ATF2: variants seen among roughly 807,000 people sequenced by gnomAD.
ATF2 encodes the protein cyclic AMP-dependent transcription factor ATF-2.
In ATF2, 24 loss-of-function variants were observed where a neutral mutation model predicts 60.6. The observed-to-expected ratio is 0.40, with a 90% CI of 0.29 to 0.56. The LOEUF (loss-of-function observed/expected upper bound fraction) is 0.56, where lower values mean the gene tolerates loss of function less well. Ranked by LOEUF, ATF2 falls within the 20% of genes least tolerant of loss-of-function variation. ATF2 has a pLI of 0.54. For missense variants in ATF2, 433 were observed against 607.7 expected, an observed-to-expected ratio of 0.71 and a Z score of 3.02; for synonymous variants, 206 against 215.4, an observed-to-expected ratio of 0.96 and a Z score of 0.38.
intron 5 of ATF2, among the ~76,000 whole-genome samples, chr2:175,121,114 A>T (rs1428881308): frequency 6.6e-6 from 1 of 151,958 alleles, no homozygotes; most frequent in Non-Finnish European, 1.5e-5. Context: ...CAGTTGTACA[A>T]GACAGCTAAA....
intron 3 of ATF2, among the ~76,000 whole-genome samples, chr2:175,135,516 TTC>T (rs1281556201): frequency 6.6e-6 from 1 of 152,180 alleles, no homozygotes; most frequent in Non-Finnish European, 1.5e-5. Context: ...CTGTATTACT[TTC>T]CCACCATCGT....
intron 4 of ATF2, among the ~76,000 whole-genome samples, chr2:175,122,244 A>C (rs1395000535): frequency 6.6e-6 from 1 of 151,990 alleles, no homozygotes; most frequent in African/African-American, 2.4e-5. Flanking sequence ...AACTTGGATA[A>C]GTTTTGCATG....
intron 9 of ATF2, among the ~76,000 whole-genome samples, chr2:175,112,946 T>A (rs889050679): frequency 1.3e-5 from 2 of 152,202 alleles, no homozygotes; most frequent in Non-Finnish European, 2.9e-5. Context: ...GTAACAAGCA[T>A]CTTAGAAGGT....
At chr2:175,138,432 T>TG (rs1352552515) in intron 2 of ATF2, among the ~76,000 whole-genome samples, 1 of 152,194 alleles carries the variant, frequency 6.6e-6, no homozygotes, top group Non-Finnish European at 1.5e-5. Flanking sequence ...AAACTATCAC[T>TG]GAATACCATA....
intron 2 of ATF2, among the ~76,000 whole-genome samples, chr2:175,138,162 A>G (rs1698262743): frequency 1.3e-5 from 2 of 152,184 alleles, no homozygotes; most frequent in South Asian, 2.1e-4. Context: ...AAGCACCAGG[A>G]GAGTTCTAGG....
At chr2:175,147,295 T>C (rs539102818) in intron 2 of ATF2, among the ~76,000 whole-genome samples, 1 of 152,334 alleles carries the variant, frequency 6.6e-6, no homozygotes, top group South Asian at 2.1e-4. Flanking sequence ...TTTATTTTCC[T>C]ACATCCCTAT....
At chr2:175,161,947 G>A (rs1266543511) in intron 1 of ATF2, among the ~76,000 whole-genome samples, 1 of 152,114 alleles carries the variant, frequency 6.6e-6, no homozygotes, top group East Asian at 1.9e-4. Context: ...TTTTAGTAGA[G>A]ATGGTGTTTT....
chr2:175,141,171 A>C (rs917890628), intron 2 of ATF2, among the ~76,000 whole-genome samples: 5 of 150,912 alleles, frequency 3.3e-5, no homozygotes, highest in Admixed American at 2.0e-4. Context: ...GAAGTCAAAG[A>C]CCAGGGCTAA....
In ATF2 at chr2:175,097,414, A is replaced by G. The variant is rs757672996; in HGVS notation, c.978+30T>C. Reference sequence around the variant, plus strand: ...GTACTTTTCTGTTTAAAGATGACAGAGTGCTGAATAATAAAAACAACACAC... The same window carrying G: ...GTACTTTTCTGTTTAAAGATGACAGGGTGCTGAATAATAAAAACAACACAC... On this transcript the variant is annotated intron_variant, in intron 11 of 13. Coordinates refer to ENST00000264110, the MANE Select transcript of ATF2 (RefSeq NM_001880.4). 5 of 1,606,608 alleles carry G rather than the reference A, an allele frequency of 3.1e-6. No homozygotes were observed. The Admixed American group carries it at 6.9e-5, about 22-fold the overall frequency.
intron 13 of ATF2, among the ~76,000 whole-genome samples, chr2:175,077,526 T>G (rs536750896): frequency 9.2e-5 from 14 of 152,322 alleles, no homozygotes; most frequent in Non-Finnish European, 1.8e-4. Flanking sequence ...AACAACAGGC[T>G]GACGTTTCCC....
chr2:175,149,644 T>C (rs1481817465), intron 2 of ATF2, among the ~76,000 whole-genome samples: 1 of 152,112 alleles, frequency 6.6e-6, no homozygotes, highest in Non-Finnish European at 1.5e-5. Context: ...ACTATCAAAA[T>C]GAGAGTCAAG....
intron 2 of ATF2, among the ~76,000 whole-genome samples, chr2:175,139,939 G>A (rs1559105948): frequency 6.6e-6 from 1 of 152,070 alleles, no homozygotes; most frequent in Non-Finnish European, 1.5e-5. Context: ...GTAAAATGAA[G>A]GTTAAAGCAA....
intron 2 of ATF2, among the ~76,000 whole-genome samples, chr2:175,144,053 C>G (rs190767568): frequency 6.6e-6 from 1 of 152,222 alleles, no homozygotes; most frequent in East Asian, 1.9e-4. Flanking sequence ...CTCAGCCTCT[C>G]AAAGTGCTAG....
At chr2:175,114,356 A>G (rs1250954975) in intron 8 of ATF2, 3 of 1,261,014 alleles carry the variant, frequency 2.4e-6, no homozygotes, top group South Asian at 2.5e-5. Context: ...AAAATGAGAA[A>G]AACTGTCATC....
chr2:175,110,740 G>A (rs1231298392), intron 10 of ATF2, among the ~76,000 whole-genome samples: 2 of 152,056 alleles, frequency 1.3e-5, no homozygotes, highest in African/African-American at 2.4e-5. Flanking sequence ...CGAGTAGCTA[G>A]GATTACAGGC....
intron 12 of ATF2, among the ~76,000 whole-genome samples, chr2:175,083,625 A>C (rs532857410): frequency 3.9e-5 from 6 of 152,318 alleles, no homozygotes; most frequent in African/African-American, 1.4e-4. Context: ...AATGGCAACA[A>C]AAGCCAAAAT....
chr2:175,072,659 T>TA lies in ATF2; in HGVS notation c.*1949dup, dbSNP rs910191097. 3 of 152,094 alleles carry TA rather than the reference T, an allele frequency of 2.0e-5. No homozygotes were observed. The highest frequency in any genetic ancestry group is 4.8e-5 in the African/African-American group (2 of 41,440). 9.4% of individuals were successfully genotyped at this position (152,094 alleles called of 1,614,324 possible). The stretch of plus-strand genomic sequence containing the variant: ...TTTTCCTAACCCATTCAAACTACAA[T>TA]AAAAAATAGCCTTCTTGCAGAATTC... On this transcript the variant is annotated 3_prime_UTR_variant, in exon 14 of 14. Transcript: ENST00000264110.
chr2:175,095,580 G>A (rs1694880254), intron 11 of ATF2, among the ~76,000 whole-genome samples: 1 of 152,094 alleles, frequency 6.6e-6, no homozygotes, highest in Admixed American at 6.5e-5. Flanking sequence ...ATCAAGGATT[G>A]GAGGCTTCTT....
chr2:175,161,110 C>G (rs760971166), intron 1 of ATF2, among the ~76,000 whole-genome samples: 1 of 152,046 alleles, frequency 6.6e-6, no homozygotes, highest in Non-Finnish European at 1.5e-5. Flanking sequence ...TAAGGATATG[C>G]TATACTGAAG....
Sources: allele counts gnomAD v4.1 joint callset (sites outside exome capture counted in the v4.1 genomes callset), GRCh38; gene constraint gnomAD v4.1.1; transcripts MANE v1.5; gene names NCBI Gene and HGNC (gene_info 2026-07-23, HGNC 2026-07-21).